Variants in DMXL2 observed in about 807,000 individuals in gnomAD.
The protein encoded by DMXL2 is Dmx like 2.
In DMXL2, 103 loss-of-function variants were observed where a neutral mutation model predicts 331.1. The ratio of observed to expected loss-of-function variants is 0.31; its 90% CI spans 0.27 to 0.37. The LOEUF (loss-of-function observed/expected upper bound fraction) is 0.37. Among genes scored for constraint, DMXL2 ranks in the 10% least tolerant of loss-of-function variants. DMXL2 has a pLI of 1.00. For missense variants in DMXL2, 3,171 were observed against 3,642.9 expected, an observed-to-expected ratio of 0.87 and a Z score of 3.33; for synonymous variants, 1,281 against 1,252.1, an observed-to-expected ratio of 1.02 and a Z score of -0.49.
chr15:51,498,659 C>T lies in DMXL2; in HGVS notation c.4565G>A (p.Ser1522Asn). Reference sequence around the variant, plus strand: ...CTCCAAACGGGTAAGGCCTGGTAGACTTGAGTGCATAAGATGACTTGAAAG... The same window carrying T: ...CTCCAAACGGGTAAGGCCTGGTAGATTTGAGTGCATAAGATGACTTGAAAG... The part of the protein sequence containing the change: ...RVLSSHLMHS[S>N]LPGLTRLEQM... The change falls in exon 18 of 44, where the codon AGT becomes AAT. Residue 1522 changes from serine to asparagine, a missense_variant. Physicochemically the swap from Ser to Asn is conservative, Grantham distance 46. Transcript: ENST00000560891. The T allele has an allele frequency of 6.2e-7, 1 of 1,614,148 alleles. No individual in the cohort carries two copies. Among genetic ancestry groups the T allele is most frequent in the Non-Finnish European group, 8.5e-7 (1 of 1,180,020 alleles).
intron 6 of DMXL2, among the ~76,000 whole-genome samples, chr15:51,561,284 G>A (rs577208724): frequency 1.4e-4 from 21 of 152,222 alleles, no homozygotes; most frequent in African/African-American, 4.1e-4. Flanking sequence ...ATGTCGTAGC[G>A]TTAGTTGGAT....
At chr15:51,511,379 G>A (rs906385316) in intron 15 of DMXL2, among the ~76,000 whole-genome samples, 1 of 152,218 alleles carries the variant, frequency 6.6e-6, no homozygotes, top group African/African-American at 2.4e-5. Flanking sequence ...AGTGGGCAAA[G>A]GATATGAACA....
chr15:51,565,521 T>C (rs1166794275), intron 3 of DMXL2, among the ~76,000 whole-genome samples: 1 of 152,220 alleles, frequency 6.6e-6, no homozygotes, highest in Non-Finnish European at 1.5e-5. Flanking sequence ...ATCTCTGCTA[T>C]GAAGCCTTCT....
chr15:51,479,330 A>T (rs2041836460), intron 25 of DMXL2, among the ~76,000 whole-genome samples: 1 of 152,240 alleles, frequency 6.6e-6, no homozygotes, highest in African/African-American at 2.4e-5. Context: ...GAAAAAGCAT[A>T]GCACAAATAC....
At chr15:51,556,068 G>A (rs1454836317) in intron 6 of DMXL2, among the ~76,000 whole-genome samples, 1 of 152,184 alleles carries the variant, frequency 6.6e-6, no homozygotes, top group Non-Finnish European at 1.5e-5. Context: ...ATCAGGCCGG[G>A]CGCGGTGGCT....
chr15:51,618,137 C>G (rs768499457), intron 1 of DMXL2, among the ~76,000 whole-genome samples: 2 of 152,150 alleles, frequency 1.3e-5, no homozygotes, highest in Non-Finnish European at 2.9e-5. Context: ...TAACCAACCC[C>G]TTGATTCCCC....
chr15:51,496,684 A>G (rs2043203389), intron 18 of DMXL2, among the ~76,000 whole-genome samples: 1 of 152,242 alleles, frequency 6.6e-6, no homozygotes, highest in Non-Finnish European at 1.5e-5. Context: ...AGGGACTTGG[A>G]CCAGAGTAGT....
At chr15:51,491,820 CA>C in intron 19 of DMXL2, 73 bp from the exon 20 acceptor site, 1 of 1,273,726 alleles carries the variant, frequency 7.9e-7, no homozygotes, top group Non-Finnish European at 1.1e-6. Flanking sequence ...TTCATGCAGT[CA>C]CATACGCATT....
chr15:51,503,436 T>C (rs1051167364), intron 16 of DMXL2, among the ~76,000 whole-genome samples: 2 of 152,152 alleles, frequency 1.3e-5, no homozygotes, highest in African/African-American at 2.4e-5. Flanking sequence ...CAGTTGGAAA[T>C]TGCAGGTCAG....
chr15:51,543,250 C>T (rs1316518284), intron 8 of DMXL2, among the ~76,000 whole-genome samples: 2 of 152,080 alleles, frequency 1.3e-5, no homozygotes, highest in African/African-American at 4.8e-5. Flanking sequence ...TAACCCACTC[C>T]GAAGACCATG....
rs1359766163 is a variant in DMXL2, at chr15:51,480,040, G to A, written c.6664C>T (p.Pro2222Ser). ...ATGTGATTATTTAAGTACAATACAG[G>A]ATTAGCTATGACTGTTTTTGTTGAC... ...IASTKTVIAN[P>S]VLYLNNHIHD... The change falls in exon 25 of 44, where the codon CCT becomes TCT. Residue 2222 changes from proline (P) to serine (S), a missense_variant. Coordinates refer to ENST00000560891, the MANE Select transcript of DMXL2 (RefSeq NM_001378457.1). 2 of 1,603,140 alleles carry A rather than the reference G, an allele frequency of 1.2e-6. No individual in the cohort carries two copies. Among genetic ancestry groups the A allele is most frequent in the African/African-American group, 1.3e-5 (1 of 74,810 alleles).
At chr15:51,621,914 C>G (rs1398135343) in intron 1 of DMXL2, among the ~76,000 whole-genome samples, 2 of 152,166 alleles carry the variant, frequency 1.3e-5, no homozygotes, top group Admixed American at 1.3e-4. Flanking sequence ...GAATTAAGAT[C>G]CTGCATTATC....
At chr15:51,555,685 G>T (rs2049518370) in intron 6 of DMXL2, among the ~76,000 whole-genome samples, 1 of 152,028 alleles carries the variant, frequency 6.6e-6, no homozygotes, top group Admixed American at 6.5e-5. Context: ...CACTATACAT[G>T]TATTATAGAT....
At chr15:51,480,450 TA>T in intron 24 of DMXL2, 91 bp downstream of exon 24, 1 of 1,386,520 alleles carries the variant, frequency 7.2e-7, no homozygotes. Flanking sequence ...GATTAACTAG[TA>T]AAAAGTAGTA....
rs755690480 is a variant in DMXL2, at chr15:51,536,346, T to G, written c.2134A>C (p.Thr712Pro). The G allele has an allele frequency of 6.8e-5, 110 of 1,613,794 alleles. No individual in the cohort carries two copies. The highest frequency in any genetic ancestry group is 9.2e-5 in the Non-Finnish European group (109 of 1,179,916). The stretch of plus-strand genomic sequence containing the variant: ...GCATTTGGGTCATGAAATGTACGAG[T>G]TGCTGCATTTCTAAGAGGTTGTTTC... ...SSKQPLRNAA[T>P]RTFHDPNAIY... The change falls in exon 12 of 44, where the codon ACT becomes CCT. Residue 712 changes from threonine (T) to proline (P), a missense_variant. This residue lies in a region of DMXL2 where 1,674 missense variants were observed against 1,780.2 expected (regional missense o/e 0.94). Coordinates refer to ENST00000560891, the MANE Select transcript of DMXL2 (RefSeq NM_001378457.1).
chr15:51,556,342 C>CAA (rs1337118023), intron 6 of DMXL2, among the ~76,000 whole-genome samples: 3 of 46,558 alleles, frequency 6.4e-5, no homozygotes, highest in Non-Finnish European at 8.4e-5. Flanking sequence ...GACACTGTCT[C>CAA]AAAAAAAAAA....
At chr15:51,567,768 G>A (rs560672857) in intron 3 of DMXL2, 2 of 152,372 alleles carry the variant, frequency 1.3e-5, no homozygotes, top group East Asian at 3.9e-4. Flanking sequence ...TCTACAAAAG[G>A]CTTTTGGCTT....
intron 20 of DMXL2, among the ~76,000 whole-genome samples, chr15:51,489,313 C>G (rs2042621939): frequency 6.6e-6 from 1 of 151,972 alleles, no homozygotes; most frequent in African/African-American, 2.4e-5. Context: ...AGCTATAATA[C>G]TAAGGTATGG....
intron 6 of DMXL2, among the ~76,000 whole-genome samples, chr15:51,562,304 G>A (rs1028219733): frequency 2.2e-4 from 34 of 151,856 alleles, no homozygotes; most frequent in Non-Finnish European, 2.9e-5. Context: ...TTCTATGCCC[G>A]AGAAAATCAA....
Sources: gnomAD v4.1 joint callset for allele counts (sites outside exome capture counted in the v4.1 genomes callset) on GRCh38, gnomAD v4.1.1 for gene constraint, gnomAD v4.1.1 regional missense constraint, MANE v1.5 for transcripts, NCBI Gene and HGNC (gene_info 2026-07-23, HGNC 2026-07-21) for gene names.